RAB27A: variants seen among roughly 807,000 people sequenced by gnomAD.
RAB27A encodes the protein ras-related protein Rab-27A.
RAB27A carries 17 observed loss-of-function variants against 20.8 expected under a neutral mutation model. The ratio of observed to expected loss-of-function variants is 0.82; its 90% CI spans 0.56 to 1.23. The LOEUF is 1.23. RAB27A is among the 50% of genes most tolerant of loss of function. The probability of loss-of-function intolerance (pLI) is 0.00; values close to 1 mark genes in which losing one functional copy is unlikely to be tolerated. For missense variants in RAB27A, 277 were observed against 266.7 expected (o/e 1.04, Z -0.27); for synonymous variants, 85 against 92.8 (o/e 0.92, Z 0.48).
In RAB27A at chr15:55,205,333, A is replaced by T; in HGVS notation, c.*174T>A. 1.4e-6 allele frequency: 1 copy of T among 696,180 alleles called. No individual in the cohort carries two copies. The highest frequency in any genetic ancestry group is 2.5e-6 in the Non-Finnish European group (1 of 406,118). The allele number at this position is 696,180 out of a possible 1,614,324, so 43.1% of individuals were successfully genotyped here. The stretch of plus-strand genomic sequence containing the variant: ...CAGGCTGAATCTTAAAGAAATATTT[A>T]CAAAGCTGCAACAAATTAATTTTAG... On this transcript the variant is annotated 3_prime_UTR_variant, in exon 7 of 7. Transcript: ENST00000336787.
At chr15:55,274,808 A>ATATATATATATATAT (rs1250809958) in intron 1 of RAB27A, among the ~76,000 whole-genome samples, 1 of 134,040 alleles carries the variant, frequency 7.5e-6, no homozygotes, top group African/African-American at 2.7e-5. Flanking sequence ...ATATATATAT[A>ATATATATATATATAT]TATATATATA....
chr15:55,209,178 T>C (rs1309093090), intron 6 of RAB27A, among the ~76,000 whole-genome samples: 1 of 152,208 alleles, frequency 6.6e-6, no homozygotes, highest in Non-Finnish European at 1.5e-5. Flanking sequence ...TTTCAAGATA[T>C]ACAATAGATT....
chr15:55,300,969 A>C (rs1002714049), intron 2 of RAB27A, among the ~76,000 whole-genome samples: 2 of 152,152 alleles, frequency 1.3e-5, no homozygotes, highest in African/African-American at 4.8e-5. Context: ...AAGAGACCCA[A>C]AGCCATTAAC....
intron 1 of RAB27A, among the ~76,000 whole-genome samples, chr15:55,275,261 A>AC (rs1165710327): frequency 1.3e-5 from 2 of 148,350 alleles, no homozygotes; most frequent in African/African-American, 4.9e-5. Context: ...AACAACAACA[A>AC]AAAAAAAAAG....
intron 6 of RAB27A, among the ~76,000 whole-genome samples, chr15:55,219,494 A>G (rs1895464652): frequency 6.6e-6 from 1 of 152,220 alleles, no homozygotes; most frequent in South Asian, 2.1e-4. Context: ...AACCAGCAGC[A>G]GCAACATCTA....
At chr15:55,222,181 G>A (rs1011567915) in intron 6 of RAB27A, among the ~76,000 whole-genome samples, 2 of 152,150 alleles carry the variant, frequency 1.3e-5, no homozygotes, top group South Asian at 2.1e-4. Context: ...GCCCAGACAT[G>A]AGAATGTGTT....
intron 6 of RAB27A, among the ~76,000 whole-genome samples, chr15:55,212,792 G>C (rs1156254749): frequency 2.0e-5 from 3 of 152,186 alleles, no homozygotes; most frequent in South Asian, 2.1e-4. Context: ...GCCTCCCAAA[G>C]TGCTGGGATT....
rs571362880 is a variant in RAB27A at position 55,272,305 on chromosome 15, A to G, written c.-142-2021T>C. On this transcript the variant is annotated intron_variant, in intron 1 of 6. Transcript: ENST00000336787. ...TCCCAGCTACCCGGGAGGCTGAGGC[A>G]GGAGAATGCCGTGAACCCGGGAGGC... Among the ~76,000 whole-genome samples the G allele has an allele frequency of 5.9e-5, 9 of 152,348 alleles. No homozygotes were observed. The East Asian group carries it at 1.7e-3, about 29-fold the overall frequency.
At chr15:55,241,642 G>GC in intron 2 of RAB27A, among the ~76,000 whole-genome samples, 1 of 124,898 alleles carries the variant, frequency 8.0e-6, no homozygotes, top group African/African-American at 3.9e-5. Context: ...ATATATATTT[G>GC]TTTTTTTTTT....
At chr15:55,290,867 C>A (rs776542754), upstream of RAB27A, among the ~76,000 whole-genome samples, 49 of 152,352 alleles carry the variant, frequency 3.2e-4, no homozygotes, top group Non-Finnish European at 5.3e-4. Context: ...AGCCTTAGTT[C>A]AGCTTCCCTT....
intron 4 of RAB27A, among the ~76,000 whole-genome samples, chr15:55,229,286 C>T (rs1895940433): frequency 6.6e-6 from 1 of 151,532 alleles, no homozygotes; most frequent in Admixed American, 6.6e-5. Flanking sequence ...CTGTAACTGA[C>T]AGGCAGGCTC....
chr15:55,203,510 GTTCACGCCA>G lies in RAB27A; in HGVS notation c.*1988_*1996del, dbSNP rs1220503563. The G allele has an allele frequency of 3.3e-5, 5 of 149,540 alleles. 1 individual carries two copies. Among genetic ancestry groups the G allele is most frequent in the Non-Finnish European group, 7.4e-5 (5 of 67,616 alleles). 9.3% of individuals were successfully genotyped at this position (149,540 alleles called of 1,614,324 possible). On this transcript the variant is annotated 3_prime_UTR_variant, in exon 7 of 7. Transcript: ENST00000336787. ...GCTCACTGCAAGCTCCGCCTCCCAG[GTTCACGCCA>G]TTCTCCTGCCTCAGCCTCCTGAGTA...
chr15:55,281,040 G>A (rs918262578), intron 1 of RAB27A, among the ~76,000 whole-genome samples: 1 of 152,180 alleles, frequency 6.6e-6, no homozygotes. Context: ...GGATTGCTGG[G>A]TCAAATGGTA....
intron 6 of RAB27A, among the ~76,000 whole-genome samples, chr15:55,209,861 TAC>T (rs1566896165): frequency 3.1e-5 from 1 of 31,832 alleles, no homozygotes; most frequent in East Asian, 1.1e-3. Context: ...TGTGTGTATA[TAC>T]ATATATACAT....
chr15:55,230,343 G>A, intron 4 of RAB27A, 58 bp downstream of exon 4: 1 of 1,475,754 alleles, frequency 6.8e-7, no homozygotes, highest in Non-Finnish European at 9.5e-7. Context: ...ACTGTTTGAA[G>A]AATGTAACTA....
intron 3 of RAB27A, among the ~76,000 whole-genome samples, chr15:55,233,994 G>A (rs1896150726): frequency 6.6e-6 from 1 of 152,090 alleles, no homozygotes; most frequent in Non-Finnish European, 1.5e-5. Context: ...ACTAGAATGG[G>A]CAAAAGGGAA....
intron 2 of RAB27A, among the ~76,000 whole-genome samples, chr15:55,309,797 C>T (rs1484967388): frequency 2.0e-5 from 3 of 152,074 alleles, no homozygotes; most frequent in Admixed American, 2.0e-4. Flanking sequence ...CCTCCACTGT[C>T]CATTGGGTTT....
chr15:55,273,481 T>C (rs1022518701), intron 1 of RAB27A, among the ~76,000 whole-genome samples: 8 of 151,198 alleles, frequency 5.3e-5, no homozygotes, highest in African/African-American at 9.7e-5. Context: ...AAAAATAAGA[T>C]ACAATTATTT....
intron 6 of RAB27A, among the ~76,000 whole-genome samples, chr15:55,210,054 A>ACG (rs1193833890): frequency 2.8e-5 from 4 of 140,766 alleles, no homozygotes; most frequent in African/African-American, 8.4e-5. Context: ...GTACATATAT[A>ACG]CACATATGTG....
Sources: gnomAD v4.1 joint callset for allele counts (sites outside exome capture counted in the v4.1 genomes callset) on GRCh38, gnomAD v4.1.1 for gene constraint, MANE v1.5 for transcripts, NCBI Gene and HGNC (gene_info 2026-07-23, HGNC 2026-07-21) for gene names.